The following XRN1 variants were observed in gnomAD, a reference collection of about 807,000 sequenced individuals.
XRN1 encodes the protein 5'-3' exoribonuclease 1, also known as strand-exchange protein 1 homolog.
A neutral mutation model predicts 222.3 loss-of-function variants in XRN1; 67 were observed. The observed-to-expected ratio is 0.30, with a 90% CI of 0.25 to 0.37. The LOEUF (loss-of-function observed/expected upper bound fraction) is 0.37, where lower values mean the gene tolerates loss of function less well. Ranked by LOEUF, XRN1 falls within the 10% of genes least tolerant of loss-of-function variation. XRN1 has a pLI of 1.00. For synonymous variants in XRN1, 643 were observed against 652.4 expected (o/e 0.99, Z 0.22); for missense variants, 1,707 against 2,000.2 (o/e 0.85, Z 2.80).
intron 32 of XRN1, 47 bp from the exon 33 acceptor site, chr3:142,347,389 A>T (rs1038842249): frequency 2.6e-6 from 3 of 1,157,166 alleles, no homozygotes; most frequent in Admixed American, 2.6e-5. Context: ...TAATATTATA[A>T]CTACTTCTTA....
At chr3:142,446,352 C>A (rs531362458) in intron 1 of XRN1, among the ~76,000 whole-genome samples, 1 of 152,272 alleles carries the variant, frequency 6.6e-6, no homozygotes, top group South Asian at 2.1e-4. Flanking sequence ...AACAATGAAC[C>A]AAATTTTAAA....
At chr3:142,424,650 T>C (rs1246008381) in intron 5 of XRN1, among the ~76,000 whole-genome samples, 3 of 152,172 alleles carry the variant, frequency 2.0e-5, no homozygotes, top group Non-Finnish European at 4.4e-5. Flanking sequence ...CTTAATCCTT[T>C]AGAGAAACAT....
At chr3:142,328,867 T>C (rs1319880246) in intron 37 of XRN1, among the ~76,000 whole-genome samples, 1 of 148,660 alleles carries the variant, frequency 6.7e-6, no homozygotes, top group East Asian at 2.0e-4. Context: ...TCCGTCCTCC[T>C]GCCTCAGCCT....
At chr3:142,382,954 T>C (rs1021959940) in intron 22 of XRN1, among the ~76,000 whole-genome samples, 4 of 152,152 alleles carry the variant, frequency 2.6e-5, no homozygotes, top group African/African-American at 7.2e-5. Context: ...TCCTCAAATA[T>C]GAACGCATTT....
At chr3:142,365,675 C>T (rs1290189278) in intron 27 of XRN1, among the ~76,000 whole-genome samples, 1 of 152,004 alleles carries the variant, frequency 6.6e-6, no homozygotes, top group African/African-American at 2.4e-5. Flanking sequence ...TATAACTATA[C>T]CTGGTTCAAG....
chr3:142,443,264 CAGTT>C (rs1228296204), intron 1 of XRN1, among the ~76,000 whole-genome samples: 1 of 152,164 alleles, frequency 6.6e-6, no homozygotes, highest in East Asian at 1.9e-4. Context: ...CAGCAGGAAG[CAGTT>C]AGAGCAGTCA....
chr3:142,418,387 A>C, intron 12 of XRN1, 117 bp downstream of exon 12: 1 of 722,564 alleles, frequency 1.4e-6, no homozygotes, highest in Non-Finnish European at 2.2e-6. Context: ...CATACACAAT[A>C]ATTCATGAAA....
In XRN1 at chr3:142,422,869, C is replaced by A; in HGVS notation, c.764G>T (p.Arg255Ile). Residue 255 changes from arginine (R) to isoleucine (I), a missense_variant, in exon 7 of 41, where the codon AGA becomes ATA. By Grantham distance (97) the Arg-to-Ile change is moderately conservative (BLOSUM62 -3). Around this residue, in one of 2 missense-constraint regions of XRN1, gnomAD observed 1,234 missense variants for 1,518.2 expected, o/e 0.81. Coordinates refer to ENST00000392981, the MANE Select transcript of XRN1 (RefSeq NM_001282857.2). ...TGAAAACTCATAGTCAATATACTCT[C>A]TCATTAAAGACAAGTGTAGAAGGTG... ...TFHLLHLSLMREYIDYEFSVL... is the reference protein window; with the variant it reads ...TFHLLHLSLMIEYIDYEFSVL... 6.2e-7 allele frequency: 1 copy of A among 1,612,566 alleles called. No homozygotes were observed. Among genetic ancestry groups the A allele is most frequent in the South Asian group, 1.1e-5 (1 of 90,872 alleles).
intron 34 of XRN1, among the ~76,000 whole-genome samples, chr3:142,334,891 A>G (rs2065810919): frequency 6.7e-6 from 1 of 149,846 alleles, no homozygotes; most frequent in Non-Finnish European, 1.5e-5. Flanking sequence ...GCTGGAGTGC[A>G]GTGGTGCGAT....
chr3:142,355,261 G>A (rs7641492), intron 32 of XRN1, 140 bp downstream of exon 32: 225,794 of 436,506 alleles, frequency 0.52, 57,625 homozygotes, highest in African/African-American at 0.63. Flanking sequence ...TTTAAAAAAA[G>A]AAAAAGAAAA....
At chr3:142,334,915 G>A (rs1281832051) in intron 34 of XRN1, among the ~76,000 whole-genome samples, 14 of 151,022 alleles carry the variant, frequency 9.3e-5, no homozygotes, top group African/African-American at 3.4e-4. Flanking sequence ...AGCTCACTGC[G>A]ACCTTTGCCT....
chr3:142,323,362 A>G (rs2065417023), intron 37 of XRN1, among the ~76,000 whole-genome samples: 1 of 145,960 alleles, frequency 6.9e-6, no homozygotes. Context: ...TTGTATTTTT[A>G]GTAGAGATGG....
chr3:142,307,201 GA>G lies in XRN1; in HGVS notation c.*4309del, dbSNP rs918281269. On this transcript the variant is annotated 3_prime_UTR_variant, in exon 41 of 41. Transcript: ENST00000392981. ...ACTGTAAGGGAAAGAAAGGAAGAGA[GA>G]ACTTAAAGCTAACTATGGACCAAAT... 3.3e-5 allele frequency: 5 copies of G among 152,096 alleles called. No homozygotes were observed. Among genetic ancestry groups the G allele is most frequent in the African/African-American group, 9.7e-5 (4 of 41,414 alleles). 9.4% of individuals were successfully genotyped at this position (152,096 alleles called of 1,614,324 possible). A position where few individuals can be genotyped will look rare whatever the true frequency, so the allele number is the denominator to read the frequency against.
rs552243411 is a variant in XRN1, at chr3:142,407,710, C to A, written c.1714-2634G>T. On this transcript the variant is annotated intron_variant, in intron 15 of 40. Coordinates refer to ENST00000392981, the MANE Select transcript of XRN1 (RefSeq NM_001282857.2). ...ATATCATGCTTGCGCAAGGGCCATG[C>A]TAATCTTCTTTGTATCATTCCAGTT... 3.3e-5 allele frequency: 5 copies of A among 152,298 alleles called. No individual in the cohort carries two copies. The South Asian group carries it at 8.3e-4, about 25-fold the overall frequency. The allele number at this position is 152,298 out of a possible 1,614,324, so 9.4% of individuals were successfully genotyped here.
chr3:142,367,913 C>T (rs1428533744), intron 27 of XRN1, among the ~76,000 whole-genome samples: 3 of 134,104 alleles, frequency 2.2e-5, no homozygotes, highest in Non-Finnish European at 4.7e-5. Context: ...AGTTTTTTCT[C>T]CTTTTATTGC....
chr3:142,417,312 T>C, intron 12 of XRN1, 83 bp from the exon 13 acceptor site: 1 of 1,056,544 alleles, frequency 9.5e-7, no homozygotes, highest in South Asian at 1.6e-5. Context: ...TGATACAACA[T>C]TTTACCTCAG....
chr3:142,365,297 A>AT lies in XRN1; in HGVS notation c.3261+12dup. On this transcript the variant is annotated intron_variant, in intron 28 of 40. Transcript: ENST00000392981. ...GAAAGCAACAACTCTGAATTCTTTG[A>AT]TAGGAAACTTACTCTGTATAGCAAA... 1.3e-6 allele frequency: 2 copies of AT among 1,592,160 alleles called. No homozygotes were observed. Among genetic ancestry groups the AT allele is most frequent in the Non-Finnish European group, 1.7e-6 (2 of 1,170,564 alleles).
At chr3:142,353,580 G>A (rs1466488996) in intron 32 of XRN1, among the ~76,000 whole-genome samples, 1 of 152,078 alleles carries the variant, frequency 6.6e-6, no homozygotes, top group Non-Finnish European at 1.5e-5. Context: ...CAAGCAATGG[G>A]GTGAGGACTC....
chr3:142,369,475 C>G (rs568646690), intron 27 of XRN1, among the ~76,000 whole-genome samples: 1 of 150,566 alleles, frequency 6.6e-6, no homozygotes, highest in African/African-American at 2.4e-5. Context: ...GGCAAAACTC[C>G]GTCTCTACTA....
Sources: gnomAD v4.1 joint callset for allele counts (sites outside exome capture counted in the v4.1 genomes callset) on GRCh38, gnomAD v4.1.1 for gene constraint, gnomAD v4.1.1 regional missense constraint, MANE v1.5 for transcripts, NCBI Gene and HGNC (gene_info 2026-07-23, HGNC 2026-07-21) for gene names.